Variants in PGS1 observed in about 807,000 individuals in gnomAD.
PGS1 encodes the protein phosphatidylglycerophosphate synthase 1, also known as CDP-diacylglycerol--glycerol-3-phosphate 3-phosphatidyltransferase, mitochondrial.
PGS1 carries 44 observed loss-of-function variants against 58.3 expected under a neutral mutation model. The ratio of observed to expected loss-of-function variants is 0.75; its 90% confidence interval spans 0.59 to 0.97. The LOEUF (loss-of-function observed/expected upper bound fraction) is 0.97. PGS1 is among the 50% of genes least tolerant of loss of function. The pLI is 0.00. For missense variants in PGS1, 684 were observed against 731.1 expected, an observed-to-expected ratio of 0.94 and a Z score of 0.74; for synonymous variants, 330 against 311.0, an observed-to-expected ratio of 1.06 and a Z score of -0.64.
In PGS1 at chr17:78,401,451, G is replaced by A. The variant is rs1001511160; in HGVS notation, c.880+596G>A. Among the ~76,000 whole-genome samples, 30 of 152,334 alleles carry A rather than the reference G, an allele frequency of 2.0e-4. 2 individuals carry two copies. The highest frequency in any genetic ancestry group is 1.4e-3 in the Admixed American group (22 of 15,308). On this transcript the variant is annotated intron_variant, in intron 6 of 9. Coordinates refer to ENST00000262764, the MANE Select transcript of PGS1 (RefSeq NM_024419.5). ...CTCTCAGCTCTGCCCACTGGAACCAGGCAGGTTCTGGCGTGAGTGTTCTGG... is the reference window on the plus strand; with the variant it reads ...CTCTCAGCTCTGCCCACTGGAACCAAGCAGGTTCTGGCGTGAGTGTTCTGG...
intron 7 of PGS1, among the ~76,000 whole-genome samples, chr17:78,409,516 G>A (rs2084443771): frequency 6.6e-6 from 1 of 152,244 alleles, no homozygotes; most frequent in African/African-American, 2.4e-5. Flanking sequence ...CCACACGTGA[G>A]GCGGCTCTCC....
intron 9 of PGS1, chr17:78,420,460 C>T (rs111260812): frequency 0.024 from 3,722 of 153,828 alleles, 145 homozygotes; most frequent in African/African-American, 0.084. Context: ...GTCAGGCTCC[C>T]GAGGCCCCTG....
In PGS1 at chr17:78,400,719, C is replaced by A; in HGVS notation, c.744C>A (p.Arg248=). 6.2e-7 allele frequency: 1 copy of A among 1,614,072 alleles called. No individual in the cohort carries two copies. Among genetic ancestry groups the A allele is most frequent in the Non-Finnish European group, 8.5e-7 (1 of 1,179,972 alleles). ...SDSYFTNRQD[R]YVFLQDCAEI... The stretch of plus-strand genomic sequence containing the variant: ...CCTACTTCACCAACCGCCAGGACCG[C>A]TACGTGTTCCTGCAGGACTGTGCGG... The change falls in exon 6 of 10, where the codon CGC becomes CGA. Residue 248 remains arginine, a synonymous_variant. Coordinates refer to ENST00000262764, the MANE Select transcript of PGS1 (RefSeq NM_024419.5). This position sits in a 1 kb window ranked among gnomAD's most constrained non-coding sequence, Gnocchi z 4.4.
At position 78,404,020 on chromosome 17, in the gene PGS1, A is replaced by C; in HGVS notation, c.1333A>C (p.Ser445Arg). 1 of 1,612,428 alleles carries C rather than the reference A, an allele frequency of 6.2e-7. No homozygotes were observed. The highest frequency in any genetic ancestry group is 1.1e-5 in the South Asian group (1 of 91,022). The change falls in exon 7 of 10, where the codon AGC becomes CGC. Residue 445 changes from serine (S) to arginine (R), a missense_variant. By Grantham distance (110) the Ser-to-Arg change is moderately radical (BLOSUM62 -1). Transcript: ENST00000262764. ...IERQFFSEVC[S>R]LGQQERVQLQ... ...GCGACAGTTCTTCAGTGAGGTGTGC[A>C]GCCTGGGACAGCAGGAGCGGGTCCA...
At chr17:78,413,872 C>T (rs1043331580) in intron 7 of PGS1, among the ~76,000 whole-genome samples, 2 of 152,226 alleles carry the variant, frequency 1.3e-5, no homozygotes, top group African/African-American at 2.4e-5. Context: ...ATTCTGAGGA[C>T]GCCTGTGGCC....
intron 7 of PGS1, among the ~76,000 whole-genome samples, chr17:78,405,543 G>GA (rs1475702174): frequency 2.0e-5 from 3 of 152,182 alleles, no homozygotes; most frequent in Non-Finnish European, 2.9e-5. Flanking sequence ...CGGAGCAGCC[G>GA]AAATGGGGCA....
Position 78,403,905 on chromosome 17 carries a change from C to A in PGS1, c.1218C>A (p.Tyr406Ter), listed in dbSNP as rs776381811. ...MDLVLGTRAEYQILLASPEVN... is the reference protein window; with the variant it reads ...MDLVLGTRAE Reference sequence around the variant, plus strand: ...TGGTCTTGGGCACTCGGGCTGAGTACCAGATCCTGCTGGCCTCACCAGAGG... The same window carrying A: ...TGGTCTTGGGCACTCGGGCTGAGTAACAGATCCTGCTGGCCTCACCAGAGG... The change falls in exon 7 of 10, where the codon TAC becomes TAA. Residue 406 changes from tyrosine (Y) to a stop codon, truncating the protein, a stop_gained. Transcript: ENST00000262764. LOFTEE classifies it high-confidence loss of function. 5 of 1,614,178 alleles carry A rather than the reference C, an allele frequency of 3.1e-6. No homozygotes were observed. Among genetic ancestry groups the A allele is most frequent in the Non-Finnish European group, 4.2e-6 (5 of 1,179,986 alleles).
intron 7 of PGS1, among the ~76,000 whole-genome samples, chr17:78,411,056 T>C (rs931263142): frequency 4.6e-5 from 7 of 152,088 alleles, no homozygotes; most frequent in African/African-American, 1.7e-4. Flanking sequence ...GCAGGATCTG[T>C]TACAAGGGGG....
chr17:78,424,191 CA>C lies in PGS1; in HGVS notation c.*142del. ...TATGGCTGAGGGTCAGGTGTGCTGCCAGTAAGTGAGGGAGGGGCTGGCAGGA... is the reference window on the plus strand; with the variant it reads ...TATGGCTGAGGGTCAGGTGTGCTGCCGTAAGTGAGGGAGGGGCTGGCAGGA... On this transcript the variant is annotated 3_prime_UTR_variant, in exon 10 of 10. Transcript: ENST00000262764. 1 of 1,576,738 alleles carries C rather than the reference CA, an allele frequency of 6.3e-7. No homozygotes were observed. The highest frequency in any genetic ancestry group is 8.6e-7 in the Non-Finnish European group (1 of 1,162,054).
chr17:78,380,271 C>T (rs1352926298), intron 1 of PGS1, among the ~76,000 whole-genome samples: 1 of 152,120 alleles, frequency 6.6e-6, no homozygotes, highest in Non-Finnish European at 1.5e-5. Flanking sequence ...TCTATCTGTA[C>T]GTGTACTCCT....
chr17:78,400,856 G>A lies in PGS1; in HGVS notation c.880+1G>A, dbSNP rs747772307. On this transcript the variant is annotated splice_donor_variant, in intron 6 of 9. Coordinates refer to ENST00000262764, the MANE Select transcript of PGS1 (RefSeq NM_024419.5). LOFTEE classifies it high-confidence loss of function. This position sits in a 1 kb window ranked among gnomAD's most constrained non-coding sequence, Gnocchi z 4.4. ...GATGGGATGGTGCATCCTTACAAAG[G>A]TAGGGGCTGCCGCTGACACCCTTCT... 2 of 1,592,192 alleles carry A rather than the reference G, an allele frequency of 1.3e-6. No homozygotes were observed. Among genetic ancestry groups the A allele is most frequent in the African/African-American group, 2.7e-5 (2 of 74,634 alleles).
At chr17:78,420,140 G>T in intron 9 of PGS1, 1 of 1,017,522 alleles carries the variant, frequency 9.8e-7, no homozygotes, top group South Asian at 3.8e-5. Context: ...AGTGCACAGG[G>T]TGGGGCGTCG....
chr17:78,390,331 A>T (rs7503405), intron 1 of PGS1, among the ~76,000 whole-genome samples: 1 of 95,336 alleles, frequency 1.0e-5, no homozygotes, highest in African/African-American at 3.6e-5. Flanking sequence ...GGGGTGGGGG[A>T]GGAACAGCTG....
intron 1 of PGS1, among the ~76,000 whole-genome samples, chr17:78,379,530 GA>G (rs2081885542): frequency 6.6e-6 from 1 of 152,086 alleles, no homozygotes; most frequent in Non-Finnish European, 1.5e-5. Flanking sequence ...AAAAAAAGGG[GA>G]TAAATAATTC....
At chr17:78,415,181 A>C (rs979106473) in intron 8 of PGS1, among the ~76,000 whole-genome samples, 154 bp downstream of exon 8, 1 of 152,232 alleles carries the variant, frequency 6.6e-6, no homozygotes, top group Non-Finnish European at 1.5e-5. Context: ...CCAAGAGTGC[A>C]GTGATGGGTG....
intron 1 of PGS1, among the ~76,000 whole-genome samples, chr17:78,389,075 T>TTTTTTTGG (rs2082617537): frequency 7.3e-6 from 1 of 137,330 alleles, no homozygotes; most frequent in African/African-American, 2.7e-5. Context: ...TTTTTTTTTT[T>TTTTTTTGG]GCGGGGGGAC....
At position 78,399,447 on chromosome 17, in the gene PGS1, T is replaced by G. The variant is rs199919380; in HGVS notation, c.611T>G (p.Leu204Arg). The change falls in exon 5 of 10, where the codon CTT becomes CGT. Residue 204 changes from leucine to arginine, a missense_variant. Coordinates refer to ENST00000262764, the MANE Select transcript of PGS1 (RefSeq NM_024419.5). ...LFHTPHLRGLLRLLIPERFNE... is the reference protein window; with the variant it reads ...LFHTPHLRGLRRLLIPERFNE... ...CACACGCCGCACCTCCGTGGGCTGCTTCGGCTCCTCATCCCTGAGCGCTTC... is the reference window on the plus strand; with the variant it reads ...CACACGCCGCACCTCCGTGGGCTGCGTCGGCTCCTCATCCCTGAGCGCTTC... 49 of 1,614,092 alleles carry G rather than the reference T, an allele frequency of 3.0e-5. No individual in the cohort carries two copies. The highest frequency in any genetic ancestry group is 5.0e-5 in the Admixed American group (3 of 60,008).
chr17:78,393,188 A>G (rs965111307), intron 2 of PGS1, among the ~76,000 whole-genome samples: 1 of 151,078 alleles, frequency 6.6e-6, no homozygotes, highest in African/African-American at 2.4e-5. Flanking sequence ...AGCCTCCCGC[A>G]TAGCTGGGAC....
chr17:78,392,338 C>T (rs1040426387), intron 1 of PGS1, 138 bp from the exon 2 acceptor site: 4 of 577,974 alleles, frequency 6.9e-6, no homozygotes, highest in Admixed American at 3.5e-5. Context: ...TTAAAATGTT[C>T]TAGAAAATCT....
Sources: gnomAD v4.1 joint callset for allele counts (sites outside exome capture counted in the v4.1 genomes callset) on GRCh38, gnomAD v4.1.1 for gene constraint, Gnocchi (gnomAD v3.1) non-coding constraint, MANE v1.5 for transcripts, NCBI Gene and HGNC (gene_info 2026-07-23, HGNC 2026-07-21) for gene names.